Variants in OR51G2 observed in about 807,000 individuals in gnomAD.
OR51G2 encodes olfactory receptor family 51 subfamily G member 2.
A neutral mutation model predicts 11.8 loss-of-function variants in OR51G2; 13 were observed. The observed-to-expected ratio is 1.10, with a 90% confidence interval of 0.72 to 1.76. OR51G2 has a LOEUF of 1.76. OR51G2 is among the 40% of genes most tolerant of loss of function. OR51G2 has a pLI of 0.00. For missense variants in OR51G2, 474 were observed against 394.4 expected (o/e 1.20, Z -1.71); for synonymous variants, 178 against 151.9 (o/e 1.17, Z -1.26).
In OR51G2 at chr11:4,914,544, A is replaced by C. The variant is rs1589937343; in HGVS notation, c.*175T>G. 1 of 541,198 alleles carries C rather than the reference A, an allele frequency of 1.8e-6. No individual in the cohort carries two copies. 33.5% of individuals were successfully genotyped at this position (541,198 alleles called of 1,614,324 possible). On this transcript the variant is annotated 3_prime_UTR_variant, in exon 2 of 2. Coordinates refer to ENST00000641926, the MANE Select transcript of OR51G2 (RefSeq NM_001005238.2). ...AATTTACCACATCATATTACATTTT[A>C]CCCCCCCCTGCCCTGGCCACAACAG...
Position 4,915,474 on chromosome 11 carries a change from T to G in OR51G2, c.190A>C (p.Met64Leu), listed in dbSNP as rs1477626000. Residue 64 changes from methionine to leucine, a missense_variant, in exon 2 of 2, where the codon ATG (methionine) becomes CTG (leucine). By Grantham distance (15) the Met-to-Leu change is conservative (BLOSUM62 2). Transcript: ENST00000641926. The part of the protein sequence containing the change: ...IKTERSLHEP[M>L]YLFLSMLALI... ...GCCAGCATGGACAGGAAGAGATACA[T>G]AGGTTCATGAAGTGAGCGCTCTGTT... 8 of 1,613,984 alleles carry G rather than the reference T, an allele frequency of 5.0e-6. No homozygotes were observed. The highest frequency in any genetic ancestry group is 6.8e-6 in the Non-Finnish European group (8 of 1,179,988).
In OR51G2 at chr11:4,915,127, G is replaced by C; in HGVS notation, c.537C>G (p.Leu179=). Residue 179 remains leucine, a synonymous_variant, in exon 2 of 2, where the codon CTC becomes CTG. Coordinates refer to ENST00000641926, the MANE Select transcript of OR51G2 (RefSeq NM_001005238.2). ...CTTGGTGGAGACAATAAGAATGTGAGAGAACTGGGGAGCCACAATAGGGGA... is the reference window on the plus strand; with the variant it reads ...CTTGGTGGAGACAATAAGAATGTGACAGAACTGGGGAGCCACAATAGGGGA... ...KRFPYCGSPV[L]SHSYCLHQEV... 6.2e-7 allele frequency: 1 copy of C among 1,614,132 alleles called. No individual in the cohort carries two copies. The highest frequency in any genetic ancestry group is 2.2e-5 in the East Asian group (1 of 44,854).
At chr11:4,917,736 A>G (rs552794354) in intron 1 of OR51G2, among the ~76,000 whole-genome samples, 2 of 152,228 alleles carry the variant, frequency 1.3e-5, no homozygotes, top group Non-Finnish European at 2.9e-5. Flanking sequence ...TTAACAATAT[A>G]CTTTTTATGT....
rs2133571405 is a variant in OR51G2 at position 4,912,941 on chromosome 11, T to C, written c.*1778A>G. 1 of 148,516 alleles carries C rather than the reference T, an allele frequency of 6.7e-6. No homozygotes were observed. The highest frequency in any genetic ancestry group is 2.5e-4 in the East Asian group (1 of 3,936). The allele number at this position is 148,516 out of a possible 1,614,324, so 9.2% of individuals were successfully genotyped here. A position where few individuals can be genotyped will look rare whatever the true frequency, so the allele number is the denominator to read the frequency against. On this transcript the variant is annotated 3_prime_UTR_variant, in exon 2 of 2. Transcript: ENST00000641926. The stretch of plus-strand genomic sequence containing the variant: ...GGAATGTTAAACATACTCTTTCAAA[T>C]TGGAAAAGAAAAAAAAAACAAGCTG...
In OR51G2 at chr11:4,913,720, C is replaced by A. The variant is rs529549584; in HGVS notation, c.*999G>T. On this transcript the variant is annotated 3_prime_UTR_variant, in exon 2 of 2. Transcript: ENST00000641926. Reference sequence around the variant, plus strand: ...CTGACATTCTAGAGAATAAAAATGGCAACAAAAACAACACTTCAGATAATT... The same window carrying A: ...CTGACATTCTAGAGAATAAAAATGGAAACAAAAACAACACTTCAGATAATT... The A allele has an allele frequency of 2.6e-5, 4 of 152,224 alleles. No individual in the cohort carries two copies. In the South Asian group the frequency reaches 8.3e-4, roughly 32 times the overall value. 9.4% of individuals were successfully genotyped at this position (152,224 alleles called of 1,614,324 possible). A position where few individuals can be genotyped will look rare whatever the true frequency, so the allele number is the denominator to read the frequency against.
intron 1 of OR51G2, among the ~76,000 whole-genome samples, chr11:4,916,289 T>C (rs1282279819): frequency 1.3e-5 from 2 of 152,140 alleles, no homozygotes; most frequent in Non-Finnish European, 2.9e-5. Flanking sequence ...AGCATACTCC[T>C]TGTGTTGTAG....
intron 1 of OR51G2, among the ~76,000 whole-genome samples, chr11:4,918,182 A>G (rs758853756): frequency 6.6e-6 from 1 of 152,130 alleles, no homozygotes; most frequent in Non-Finnish European, 1.5e-5. Context: ...TCACGCAGCC[A>G]GTCAGTGCCG....
intron 1 of OR51G2, among the ~76,000 whole-genome samples, chr11:4,916,089 C>T (rs2595977): frequency 0.84 from 126,772 of 151,706 alleles, 53,398 homozygotes; most frequent in East Asian, 0.93. Flanking sequence ...GAGGCCGAGG[C>T]GGGCGGATCA....
Position 4,914,983 on chromosome 11 carries a change from C to G in OR51G2, c.681G>C (p.Leu227=). The G allele has an allele frequency of 6.2e-7, 1 of 1,614,066 alleles. No homozygotes were observed. Among genetic ancestry groups the G allele is most frequent in the Non-Finnish European group, 8.5e-7 (1 of 1,180,018 alleles). Residue 227 remains leucine, a synonymous_variant, in exon 2 of 2, where the codon CTG becomes CTC. Coordinates refer to ENST00000641926, the MANE Select transcript of OR51G2 (RefSeq NM_001005238.2). ...TGGAGGCGATGGACAGCACGGTGCGCAGGATCAGAGCATAAGAGAAGAGGA... is the reference window on the plus strand; with the variant it reads ...TGGAGGCGATGGACAGCACGGTGCGGAGGATCAGAGCATAAGAGAAGAGGA... ...LLILFSYALI[L]RTVLSIASRA...
chr11:4,916,967 A>G (rs1445060056), intron 1 of OR51G2, among the ~76,000 whole-genome samples: 2 of 152,186 alleles, frequency 1.3e-5, no homozygotes, highest in African/African-American at 2.4e-5. Flanking sequence ...AAGGCTCAGG[A>G]GAGTCTTGTC....
rs970814906 is a variant in OR51G2, at chr11:4,913,690, C to A, written c.*1029G>T. The A allele has an allele frequency of 1.3e-5, 2 of 152,290 alleles. No individual in the cohort carries two copies. Among genetic ancestry groups the A allele is most frequent in the Middle Eastern group, 3.4e-3 (1 of 294 alleles). The allele number at this position is 152,290 out of a possible 1,614,324, so 9.4% of individuals were successfully genotyped here. ...TCCACTTCACCTCATTTTTCTTAAACCTTCCTGACATTCTAGAGAATAAAA... is the reference window on the plus strand; with the variant it reads ...TCCACTTCACCTCATTTTTCTTAAAACTTCCTGACATTCTAGAGAATAAAA... On this transcript the variant is annotated 3_prime_UTR_variant, in exon 2 of 2. Coordinates refer to ENST00000641926, the MANE Select transcript of OR51G2 (RefSeq NM_001005238.2).
chr11:4,917,037 T>C (rs1851104567), intron 1 of OR51G2, among the ~76,000 whole-genome samples: 1 of 152,186 alleles, frequency 6.6e-6, no homozygotes, highest in African/African-American at 2.4e-5. Flanking sequence ...TGATCTTCCA[T>C]TCTCAATTAA....
intron 1 of OR51G2, among the ~76,000 whole-genome samples, chr11:4,918,806 G>A (rs1851137738): frequency 6.6e-6 from 1 of 152,120 alleles, no homozygotes; most frequent in Non-Finnish European, 1.5e-5. Context: ...ACCACACTTT[G>A]TGATCACTCA....
chr11:4,915,947 C>G (rs1851082506), intron 1 of OR51G2, among the ~76,000 whole-genome samples: 2 of 152,104 alleles, frequency 1.3e-5, no homozygotes, highest in Non-Finnish European at 1.5e-5. Flanking sequence ...AGCCGCTCCA[C>G]CCTTTTTGCT....
rs1026386637 is a variant in OR51G2 at position 4,912,681 on chromosome 11, A to G, written c.*2038T>C. 3.3e-5 allele frequency: 5 copies of G among 151,528 alleles called. No homozygotes were observed. Among genetic ancestry groups the G allele is most frequent in the African/African-American group, 9.7e-5 (4 of 41,228 alleles). The allele number at this position is 151,528 out of a possible 1,614,324, so 9.4% of individuals were successfully genotyped here. A position where few individuals can be genotyped will look rare whatever the true frequency, so the allele number is the denominator to read the frequency against. ...ATGTTGGAATATTGAGCCTTAAAAA[A>G]TGTGATTATGGGATCTGAGTTACGT... On this transcript the variant is annotated 3_prime_UTR_variant, in exon 2 of 2. Transcript: ENST00000641926.
In OR51G2 at chr11:4,913,788, G is replaced by T. The variant is rs1851028756; in HGVS notation, c.*931C>A. On this transcript the variant is annotated 3_prime_UTR_variant, in exon 2 of 2. Coordinates refer to ENST00000641926, the MANE Select transcript of OR51G2 (RefSeq NM_001005238.2). ...TCTCTCTCACTTCTGCTTCAGCTTTGCACATGCTGTTCCTTTGGACTGGAA... is the reference window on the plus strand; with the variant it reads ...TCTCTCTCACTTCTGCTTCAGCTTTTCACATGCTGTTCCTTTGGACTGGAA... The T allele has an allele frequency of 6.6e-6, 1 of 152,072 alleles. No individual in the cohort carries two copies. Among genetic ancestry groups the T allele is most frequent in the East Asian group, 1.9e-4 (1 of 5,176 alleles). The allele number at this position is 152,072 out of a possible 1,614,324, so 9.4% of individuals were successfully genotyped here. A position where few individuals can be genotyped will look rare whatever the true frequency, so the allele number is the denominator to read the frequency against.
chr11:4,915,515 A>G lies in OR51G2; in HGVS notation c.149T>C (p.Ile50Thr). The change falls in exon 2 of 2, where the codon ATT becomes ACT. Residue 50 changes from isoleucine to threonine, a missense_variant. By Grantham distance (89) the Ile-to-Thr change is moderately conservative. Coordinates refer to ENST00000641926, the MANE Select transcript of OR51G2 (RefSeq NM_001005238.2). ...YLVSIPGNCT[I>T]LFIIKTERSL... ...GCGCTCTGTTTTAATGATAAAAAGA[A>G]TTGTGCAGTTGCCCGGGATGGAAAC... 1.2e-6 allele frequency: 2 copies of G among 1,614,136 alleles called. No homozygotes were observed. The highest frequency in any genetic ancestry group is 1.7e-6 in the Non-Finnish European group (2 of 1,180,022).
intron 1 of OR51G2, 99 bp downstream of exon 1, chr11:4,919,078 A>G (rs1589939103): frequency 6.6e-6 from 1 of 152,362 alleles, no homozygotes; most frequent in East Asian, 1.9e-4. Flanking sequence ...AAACAAGGAA[A>G]TTGACTGATG....
Position 4,914,962 on chromosome 11 carries a change from G to A in OR51G2, c.702C>T (p.Ala234=), listed in dbSNP as rs1851054284. The A allele has an allele frequency of 6.2e-7, 1 of 1,614,026 alleles. No individual in the cohort carries two copies. The highest frequency in any genetic ancestry group is 1.3e-5 in the African/African-American group (1 of 74,934). ...GGGCCTTGAATCTCTCAGCCCTGGA[G>A]GCGATGGACAGCACGGTGCGCAGGA... ...ALILRTVLSI[A]SRAERFKALN... is the part of the protein sequence containing the mutation. The change falls in exon 2 of 2, where the codon GCC becomes GCT. Residue 234 remains alanine (A), a synonymous_variant. Transcript: ENST00000641926.
Sources: gnomAD v4.1 joint callset for allele counts (sites outside exome capture counted in the v4.1 genomes callset) on GRCh38, gnomAD v4.1.1 for gene constraint, MANE v1.5 for transcripts, NCBI Gene and HGNC (gene_info 2026-07-23, HGNC 2026-07-21) for gene names.